NRXN3: variants seen among roughly 807,000 people sequenced by gnomAD.
NRXN3 encodes neurexin III.
A neutral mutation model predicts 137.6 loss-of-function variants in NRXN3; 32 were observed. The observed-to-expected ratio is 0.23, with a 90% CI of 0.18 to 0.31. The LOEUF is 0.31. NRXN3 is among the 10% of genes least tolerant of loss of function. The pLI is 1.00. For missense variants in NRXN3, 1,574 were observed against 2,062.5 expected (o/e 0.76, Z 4.59); for synonymous variants, 798 against 784.5 (o/e 1.02, Z -0.29).
intron 20 of NRXN3, among the ~76,000 whole-genome samples, chr14:79,844,065 C>T (rs1001464281): frequency 2.6e-5 from 4 of 152,066 alleles, no homozygotes; most frequent in Non-Finnish European, 4.4e-5. Context: ...CAAGTTGCTG[C>T]AAAAGACATT....
At chr14:78,651,456 G>A in intron 6 of NRXN3, 130 bp downstream of exon 6, 1 of 1,078,446 alleles carries the variant, frequency 9.3e-7, no homozygotes, top group South Asian at 1.6e-5. Flanking sequence ...AAACAACCTT[G>A]AACTTGGAAG....
At chr14:78,423,212 A>T (rs933507160) in intron 4 of NRXN3, among the ~76,000 whole-genome samples, 2 of 152,216 alleles carry the variant, frequency 1.3e-5, no homozygotes. Flanking sequence ...AGTCACATTT[A>T]TACAGAAACC....
chr14:79,708,078 A>T (rs2098788263), intron 19 of NRXN3, among the ~76,000 whole-genome samples: 1 of 152,196 alleles, frequency 6.6e-6, no homozygotes, highest in South Asian at 2.1e-4. Flanking sequence ...ACTTCTATGT[A>T]AAAGGTAGAT....
intron 15 of NRXN3, among the ~76,000 whole-genome samples, chr14:79,374,859 CT>C (rs1357193454): frequency 1.3e-5 from 2 of 152,146 alleles, no homozygotes; most frequent in African/African-American, 4.8e-5. Flanking sequence ...TGCAAGACTT[CT>C]TGGGTTTGCG....
At chr14:79,348,629 G>A (rs1313266849) in intron 15 of NRXN3, among the ~76,000 whole-genome samples, 2 of 151,950 alleles carry the variant, frequency 1.3e-5, no homozygotes, top group Non-Finnish European at 2.9e-5. Context: ...CGCCCACCTC[G>A]GCCTCCCAAA....
chr14:78,595,470 C>G (rs1260594779), intron 4 of NRXN3, among the ~76,000 whole-genome samples: 1 of 152,172 alleles, frequency 6.6e-6, no homozygotes, highest in Admixed American at 6.5e-5. Context: ...CTGGCAGTGT[C>G]TTGTAGCAAG....
intron 8 of NRXN3, among the ~76,000 whole-genome samples, chr14:78,717,045 G>T (rs149676362): frequency 6.6e-6 from 1 of 152,174 alleles, no homozygotes. Context: ...TCTGAGATGC[G>T]TGAGACAGTT....
intron 15 of NRXN3, among the ~76,000 whole-genome samples, chr14:79,380,741 A>G (rs1317842572): frequency 6.6e-6 from 1 of 152,104 alleles, no homozygotes; most frequent in Non-Finnish European, 1.5e-5. Context: ...TCAAATGGTA[A>G]CAACAGGTGC....
chr14:78,582,070 TAGAA>T (rs1191874974), intron 4 of NRXN3, among the ~76,000 whole-genome samples: 2 of 152,232 alleles, frequency 1.3e-5, no homozygotes, highest in Non-Finnish European at 2.9e-5. Context: ...GGCTCAAATA[TAGAA>T]AGAAAGTGCA....
chr14:79,408,240 G>T (rs1567042051), intron 15 of NRXN3, among the ~76,000 whole-genome samples: 1 of 152,232 alleles, frequency 6.6e-6, no homozygotes, highest in East Asian at 1.9e-4. Context: ...ATACTCAAAA[G>T]AGTTGAGCCT....
intron 6 of NRXN3, among the ~76,000 whole-genome samples, chr14:78,656,265 GCATT>G (rs1334844786): frequency 1.3e-5 from 2 of 152,158 alleles, no homozygotes; most frequent in Non-Finnish European, 2.9e-5. Flanking sequence ...ACAACATGAG[GCATT>G]CTTAGTTACA....
At chr14:79,115,645 G>A (rs1007473093) in intron 15 of NRXN3, among the ~76,000 whole-genome samples, 1 of 152,168 alleles carries the variant, frequency 6.6e-6, no homozygotes, top group African/African-American at 2.4e-5. Context: ...CCAAGTGAAA[G>A]TAAATGTATC....
chr14:79,256,593 G>A (rs755604211), intron 15 of NRXN3, among the ~76,000 whole-genome samples: 5 of 152,266 alleles, frequency 3.3e-5, no homozygotes, highest in South Asian at 2.1e-4. Context: ...AGGGACTTGG[G>A]CTTTCCAAGT....
intron 15 of NRXN3, among the ~76,000 whole-genome samples, chr14:79,238,560 C>A (rs542176290): frequency 1.8e-4 from 28 of 152,106 alleles, no homozygotes; most frequent in African/African-American, 6.5e-4. Flanking sequence ...CACACACACA[C>A]ATATAATATT....
chr14:78,459,871 G>A lies in NRXN3; in HGVS notation c.757+162011G>A, dbSNP rs192136956. 2.0e-5 allele frequency among the ~76,000 whole-genome samples: 3 copies of A among 152,260 alleles called. No individual in the cohort carries two copies. The East Asian group carries it at 5.8e-4, about 30-fold the overall frequency. The stretch of plus-strand genomic sequence containing the variant: ...TCTAATTAAATCAGATTCTGACACT[G>A]TCTACCTGGAGATAGTGTCCAGTCC... On this transcript the variant is annotated intron_variant, in intron 4 of 20. Transcript: ENST00000335750.
intron 19 of NRXN3, among the ~76,000 whole-genome samples, chr14:79,771,770 G>A (rs9671398): frequency 0.29 from 19,645 of 68,354 alleles, 1,503 homozygotes; most frequent in Middle Eastern, 0.42. Context: ...TGGAAGTTCT[G>A]GCCAGGGCAA....
At chr14:79,834,149 G>T (rs1236312895) in intron 20 of NRXN3, among the ~76,000 whole-genome samples, 1 of 152,088 alleles carries the variant, frequency 6.6e-6, no homozygotes, top group Non-Finnish European at 1.5e-5. Flanking sequence ...ACATAAACAG[G>T]TCCCACGGCT....
intron 10 of NRXN3, among the ~76,000 whole-genome samples, chr14:78,918,888 C>A (rs1793204628): frequency 2.6e-5 from 4 of 152,096 alleles, no homozygotes; most frequent in African/African-American, 4.8e-5. Context: ...TAAGTATGCT[C>A]TATAATGTTC....
chr14:79,710,853 TAAAG>T (rs549697943), intron 19 of NRXN3, among the ~76,000 whole-genome samples: 2 of 152,150 alleles, frequency 1.3e-5, no homozygotes, highest in South Asian at 2.1e-4. Context: ...TTTGGAGAAA[TAAAG>T]AATGAAATAG....
Sources: allele counts gnomAD v4.1 joint callset (sites outside exome capture counted in the v4.1 genomes callset), GRCh38; gene constraint gnomAD v4.1.1; transcripts MANE v1.5; gene names NCBI Gene and HGNC (gene_info 2026-07-23, HGNC 2026-07-21).